FRAS1: variants seen among roughly 807,000 people sequenced by gnomAD.
FRAS1 encodes extracellular matrix organizing protein FRAS1.
Under a neutral mutation model 435.2 loss-of-function variants are expected in FRAS1, and 290 were observed. The ratio of observed to expected loss-of-function variants is 0.67; its 90% confidence interval spans 0.61 to 0.73. FRAS1 has a LOEUF of 0.73. Among genes scored for constraint, FRAS1 ranks in the 30% least tolerant of loss-of-function variants. FRAS1 has a pLI of 0.00. For missense variants in FRAS1, 4,860 were observed against 5,001.5 expected (o/e 0.97, Z 0.85); for synonymous variants, 1,800 against 1,851.0 (o/e 0.97, Z 0.71).
chr4:78,260,074 G>A (rs113520659), intron 6 of FRAS1, among the ~76,000 whole-genome samples: 1 of 151,834 alleles, frequency 6.6e-6, no homozygotes, highest in Non-Finnish European at 1.5e-5. Flanking sequence ...CTCTGTTTTG[G>A]TACCAGTAGC....
At chr4:78,227,030 G>T (rs1257060627) in intron 2 of FRAS1, among the ~76,000 whole-genome samples, 4 of 152,084 alleles carry the variant, frequency 2.6e-5, no homozygotes, top group African/African-American at 4.8e-5. Context: ...GTAGATACTG[G>T]TTATCTGTGG....
At chr4:78,097,918 C>T (rs1741894997) in intron 2 of FRAS1, among the ~76,000 whole-genome samples, 1 of 152,182 alleles carries the variant, frequency 6.6e-6, no homozygotes, top group African/African-American at 2.4e-5. Context: ...GGGAAGACCA[C>T]CTGAAGGCAA....
At chr4:78,259,854 G>A (rs1235209724) in intron 6 of FRAS1, among the ~76,000 whole-genome samples, 9 of 152,092 alleles carry the variant, frequency 5.9e-5, no homozygotes, top group Non-Finnish European at 7.4e-5. Context: ...GAACGTTTAA[G>A]TCTTTAATCC....
In FRAS1 at chr4:78,069,503, T is replaced by C. The variant is rs577848332; in HGVS notation, c.108+3487T>C. On this transcript the variant is annotated intron_variant, in intron 2 of 73. Transcript: ENST00000512123. ...CATGGCCCTGGCGGTCAGACACACCTGGTTTTGACCCTTCCTCTTCTGTTA... is the reference window on the plus strand; with the variant it reads ...CATGGCCCTGGCGGTCAGACACACCCGGTTTTGACCCTTCCTCTTCTGTTA... Among the ~76,000 whole-genome samples, 7 of 152,298 alleles carry C rather than the reference T, an allele frequency of 4.6e-5. No individual in the cohort carries two copies. The South Asian group carries it at 1.4e-3, about 32-fold the overall frequency.
At chr4:78,157,447 A>G (rs959655626) in intron 2 of FRAS1, among the ~76,000 whole-genome samples, 3 of 152,218 alleles carry the variant, frequency 2.0e-5, no homozygotes, top group South Asian at 2.1e-4. Context: ...CCAACAGTGT[A>G]TAAGTGTTCC....
intron 2 of FRAS1, among the ~76,000 whole-genome samples, chr4:78,153,490 C>T (rs1372171398): frequency 6.6e-6 from 1 of 152,100 alleles, no homozygotes; most frequent in Non-Finnish European, 1.5e-5. Context: ...CATTGTTTGT[C>T]GAAGCACCCT....
chr4:78,486,189 T>C (rs934580479), intron 58 of FRAS1, among the ~76,000 whole-genome samples: 6 of 152,208 alleles, frequency 3.9e-5, no homozygotes, highest in African/African-American at 1.4e-4. Context: ...CTGGCTTAAC[T>C]GTTGCTGGTA....
intron 20 of FRAS1, among the ~76,000 whole-genome samples, chr4:78,362,433 A>C (rs1731106740): frequency 1.3e-5 from 2 of 152,190 alleles, no homozygotes; most frequent in South Asian, 4.1e-4. Flanking sequence ...TTGTAGGAGA[A>C]AGCATGTATG....
chr4:78,424,788 A>C (rs79507616), intron 35 of FRAS1, among the ~76,000 whole-genome samples: 1 of 151,688 alleles, frequency 6.6e-6, no homozygotes, highest in African/African-American at 2.4e-5. Context: ...AAAAAAAAAA[A>C]CAACTTATCT....
intron 47 of FRAS1, among the ~76,000 whole-genome samples, chr4:78,456,141 T>TTTTTTTTTC (rs1719189651): frequency 9.4e-6 from 1 of 106,670 alleles, no homozygotes; most frequent in African/African-American, 5.7e-5. Flanking sequence ...CATGTCACTT[T>TTTTTTTTTC]TTTTTTTTTT....
At chr4:78,360,180 T>C (rs1256665207) in intron 20 of FRAS1, among the ~76,000 whole-genome samples, 3 of 152,160 alleles carry the variant, frequency 2.0e-5, no homozygotes, top group African/African-American at 7.2e-5. Flanking sequence ...GGAGAGAGTT[T>C]TGAGAAGGAG....
At chr4:78,204,440 T>C (rs1723169630) in intron 2 of FRAS1, among the ~76,000 whole-genome samples, 1 of 152,206 alleles carries the variant, frequency 6.6e-6, no homozygotes, top group South Asian at 2.1e-4. Context: ...ATGTAGCTAA[T>C]CTCCATTCAT....
chr4:78,080,232 T>C (rs886959610), intron 2 of FRAS1, among the ~76,000 whole-genome samples: 2 of 152,124 alleles, frequency 1.3e-5, no homozygotes, highest in African/African-American at 4.8e-5. Flanking sequence ...TCGAGAAGCC[T>C]GATTGATTTA....
chr4:78,274,874 A>C (rs577551518), intron 9 of FRAS1, among the ~76,000 whole-genome samples: 2 of 151,784 alleles, frequency 1.3e-5, no homozygotes, highest in Non-Finnish European at 2.9e-5. Flanking sequence ...ATTCTTGTTA[A>C]CTTTCTGTCT....
chr4:78,303,845 A>G (rs1454062809), intron 14 of FRAS1, among the ~76,000 whole-genome samples: 1 of 149,132 alleles, frequency 6.7e-6, no homozygotes, highest in East Asian at 2.0e-4. Flanking sequence ...AATACCCTTT[A>G]TTTCCTTCTC....
chr4:78,085,572 G>A (rs1388690074), intron 2 of FRAS1, among the ~76,000 whole-genome samples: 3 of 152,030 alleles, frequency 2.0e-5, no homozygotes, highest in East Asian at 1.9e-4. Context: ...CTGTCTTCTG[G>A]GGACTCTCAG....
intron 72 of FRAS1, among the ~76,000 whole-genome samples, chr4:78,537,790 T>C (rs1464784503): frequency 6.6e-6 from 1 of 151,822 alleles, no homozygotes; most frequent in Non-Finnish European, 1.5e-5. Context: ...AAAAAAATAT[T>C]TGAAAATTAG....
intron 57 of FRAS1, 107 bp downstream of exon 57, chr4:78,482,071 C>CT (rs1312037843): frequency 8.7e-7 from 1 of 1,145,708 alleles, no homozygotes; most frequent in East Asian, 2.4e-5. Flanking sequence ...ATATTCCTAT[C>CT]TTTCCTTTCT....
At chr4:78,258,192 T>C (rs193267846) in intron 6 of FRAS1, among the ~76,000 whole-genome samples, 1 of 152,084 alleles carries the variant, frequency 6.6e-6, no homozygotes, top group Admixed American at 6.5e-5. Flanking sequence ...AATGCAAAAC[T>C]TAGCCGGACA....
Sources: allele counts gnomAD v4.1 joint callset (sites outside exome capture counted in the v4.1 genomes callset), GRCh38; gene constraint gnomAD v4.1.1; transcripts MANE v1.5; gene names NCBI Gene and HGNC (gene_info 2026-07-23, HGNC 2026-07-21).